Variants in SLC29A1 observed in about 807,000 individuals in gnomAD.
SLC29A1 encodes the protein equilibrative nucleoside transporter 1.
SLC29A1 carries 22 observed loss-of-function variants against 48.3 expected under a neutral mutation model. The ratio of observed to expected loss-of-function variants is 0.46; its 90% CI spans 0.33 to 0.65. The LOEUF (loss-of-function observed/expected upper bound fraction) is 0.65. Among genes scored for constraint, SLC29A1 ranks in the 30% least tolerant of loss-of-function variants. The probability of loss-of-function intolerance (pLI) is 0.03; values close to 1 mark genes in which losing one functional copy is unlikely to be tolerated. For missense variants in SLC29A1, 491 were observed against 575.3 expected (o/e 0.85, Z 1.50); for synonymous variants, 228 against 231.0 (o/e 0.99, Z 0.12).
At chr6:44,223,477 T>C, upstream of SLC29A1, 2 of 701,904 alleles carry the variant, frequency 2.8e-6, no homozygotes, top group Non-Finnish European at 3.2e-6. The surrounding 1 kb of genome is among the most constrained non-coding windows in gnomAD (Gnocchi z 5.0). Context: ...CGCCGCGGGG[T>C]GGCAGGGGTG....
Position 44,223,663 on chromosome 6 carries a change from TG to T in SLC29A1, c.-52+26del, listed in dbSNP as rs1428346180. On this transcript the variant is annotated intron_variant, in intron 1 of 12. Transcript: ENST00000371755. This position sits in a 1 kb window ranked among gnomAD's most constrained non-coding sequence, Gnocchi z 5.0. ...GCAGGTGCTGCCCGGGGCCGGGGAC[TG>T]GGGACTGGGGACTGCCGGGGCGGAA... 2 of 1,171,218 alleles carry T rather than the reference TG, an allele frequency of 1.7e-6. No individual in the cohort carries two copies. Among genetic ancestry groups the T allele is most frequent in the Non-Finnish European group, 1.1e-6 (1 of 927,098 alleles). 72.6% of individuals were successfully genotyped at this position (1,171,218 alleles called of 1,614,324 possible).
At chr6:44,227,382 GT>G in intron 2 of SLC29A1, 40 bp downstream of exon 2, 1 of 1,554,930 alleles carries the variant, frequency 6.4e-7, no homozygotes. Context: ...CAGGGAATGG[GT>G]TTTCAGGGAG....
chr6:44,230,755 G>T, intron 7 of SLC29A1, 56 bp from the exon 8 acceptor site: 1 of 1,581,162 alleles, frequency 6.3e-7, no homozygotes, highest in Non-Finnish European at 8.7e-7. Context: ...GAAGGAGGCC[G>T]GGATTCTGGA....
intron 9 of SLC29A1, among the ~76,000 whole-genome samples, chr6:44,231,772 G>A (rs1778938991): frequency 2.0e-5 from 3 of 152,154 alleles, no homozygotes; most frequent in Admixed American, 1.3e-4. Context: ...GAGATTACAG[G>A]CATATGCCAC....
rs1778331047 is a variant in SLC29A1 at position 44,229,423 on chromosome 6, G to A, written c.63G>A (p.Leu21=). The A allele has an allele frequency of 5.6e-6, 9 of 1,614,148 alleles. No individual in the cohort carries two copies. Among genetic ancestry groups the A allele is most frequent in the Non-Finnish European group, 5.9e-6 (7 of 1,180,006 alleles). ...YKAVWLIFFM[L]GLGTLLPWNF... Reference sequence around the variant, plus strand: ...CTGTCTGGCTTATCTTCTTCATGCTGGGTCTGGGAACGCTGCTCCCGTGGA... The same window carrying A: ...CTGTCTGGCTTATCTTCTTCATGCTAGGTCTGGGAACGCTGCTCCCGTGGA... The change falls in exon 3 of 13, where the codon CTG becomes CTA. Residue 21 remains leucine, a synonymous_variant. Coordinates refer to ENST00000371755, the MANE Select transcript of SLC29A1 (RefSeq NM_001372327.1). The surrounding 1 kb of genome is among the most constrained non-coding windows in gnomAD (Gnocchi z 5.1).
Position 44,223,791 on chromosome 6 carries a change from G to A in SLC29A1, c.-52+150G>A. On this transcript the variant is annotated intron_variant, in intron 1 of 12. Transcript: ENST00000371755. This position sits in a 1 kb window ranked among gnomAD's most constrained non-coding sequence, Gnocchi z 5.0. Reference sequence around the variant, plus strand: ...GTGGGGCCCCAGTGCGGAGCGTGCGGAGCCGCGCAGCACGTGGCGCGCACG... The same window carrying A: ...GTGGGGCCCCAGTGCGGAGCGTGCGAAGCCGCGCAGCACGTGGCGCGCACG... 1 of 1,027,768 alleles carries A rather than the reference G, an allele frequency of 9.7e-7. No individual in the cohort carries two copies. The highest frequency in any genetic ancestry group is 1.2e-6 in the Non-Finnish European group (1 of 854,230). The allele number at this position is 1,027,768 out of a possible 1,614,324, so 63.7% of individuals were successfully genotyped here.
At chr6:44,223,518 G>A (rs1318795073), upstream of SLC29A1, 17 of 1,092,808 alleles carry the variant, frequency 1.6e-5, no homozygotes, top group Non-Finnish European at 1.9e-5. This position sits in a 1 kb window ranked among gnomAD's most constrained non-coding sequence, Gnocchi z 5.0. Context: ...GCGTCGGGGA[G>A]GTGGCAGTGG....
rs933169613 is a variant in SLC29A1, at chr6:44,223,703, G to T, written c.-52+62G>T. On this transcript the variant is annotated intron_variant, in intron 1 of 12. Coordinates refer to ENST00000371755, the MANE Select transcript of SLC29A1 (RefSeq NM_001372327.1). This position sits in a 1 kb window ranked among gnomAD's most constrained non-coding sequence, Gnocchi z 5.0. ...GCCGGGGCGGAAGACGCCGCTGCCC[G>T]CCTGCCACGGAGGGCAGGGAGGGCG... 3 of 1,105,210 alleles carry T rather than the reference G, an allele frequency of 2.7e-6. No homozygotes were observed. The highest frequency in any genetic ancestry group is 8.7e-5 in the Admixed American group (2 of 23,088). The allele number at this position is 1,105,210 out of a possible 1,614,324, so 68.5% of individuals were successfully genotyped here. A position where few individuals can be genotyped will look rare whatever the true frequency, so the allele number is the denominator to read the frequency against.
intron 2 of SLC29A1, among the ~76,000 whole-genome samples, chr6:44,227,712 C>A (rs546633137): frequency 6.6e-6 from 1 of 152,352 alleles, no homozygotes; most frequent in South Asian, 2.1e-4. Flanking sequence ...ATGACCTGGC[C>A]CACCCTGGTT....
rs148126154 is a variant in SLC29A1 at position 44,229,226 on chromosome 6, T to TC, written c.30-158dup. ...TTCCAACGAGCAATGTACCCTTTTCTCCCCCCACACCCATAAGAGGACACA... is the reference window on the plus strand; with the variant it reads ...TTCCAACGAGCAATGTACCCTTTTCTCCCCCCCACACCCATAAGAGGACACA... On this transcript the variant is annotated intron_variant, in intron 2 of 12. Transcript: ENST00000371755. The surrounding 1 kb of genome is among the most constrained non-coding windows in gnomAD (Gnocchi z 5.1). Among the ~76,000 whole-genome samples the TC allele has an allele frequency of 0.033, 5,069 of 151,626 alleles. 113 individuals carry two copies. Among genetic ancestry groups the TC allele is most frequent in the Middle Eastern group, 0.054 (16 of 294 alleles).
At chr6:44,227,999 C>T (rs910063015) in intron 2 of SLC29A1, among the ~76,000 whole-genome samples, 6 of 152,200 alleles carry the variant, frequency 3.9e-5, no homozygotes, top group Non-Finnish European at 5.9e-5. Context: ...GTGCCAAAGG[C>T]TATGAAACTA....
Position 44,223,750 on chromosome 6 carries a change from G to A in SLC29A1, c.-52+109G>A. ...GGCGGGCCTGACGGCTCCGCAGCCC[G>A]GAGAAGGGACGCCGGGTGGGGCCCC... On this transcript the variant is annotated intron_variant, in intron 1 of 12. Coordinates refer to ENST00000371755, the MANE Select transcript of SLC29A1 (RefSeq NM_001372327.1). The surrounding 1 kb of genome is among the most constrained non-coding windows in gnomAD (Gnocchi z 5.0). 1.9e-6 allele frequency: 2 copies of A among 1,036,416 alleles called. No homozygotes were observed. The highest frequency in any genetic ancestry group is 2.3e-6 in the Non-Finnish European group (2 of 859,066). 64.2% of individuals were successfully genotyped at this position (1,036,416 alleles called of 1,614,324 possible).
chr6:44,224,484 GCTAA>G (rs530830443), intron 1 of SLC29A1, among the ~76,000 whole-genome samples: 195 of 152,114 alleles, frequency 1.3e-3, no homozygotes, highest in African/African-American at 4.5e-3. Flanking sequence ...AGTCTACAGG[GCTAA>G]CTGAGAAGCA....
At chr6:44,227,962 C>T (rs1324525342) in intron 2 of SLC29A1, among the ~76,000 whole-genome samples, 1 of 152,348 alleles carries the variant, frequency 6.6e-6, no homozygotes, top group Middle Eastern at 3.4e-3. Flanking sequence ...CCCATCACGT[C>T]TGCCCTACCC....
chr6:44,223,551 C>A (rs897685532), upstream of SLC29A1: 15 of 1,188,012 alleles, frequency 1.3e-5, no homozygotes, highest in Non-Finnish European at 1.6e-5. The surrounding 1 kb of genome is among the most constrained non-coding windows in gnomAD (Gnocchi z 5.0). Context: ...GCGAGCTCAG[C>A]GGAGGGCGGG....
chr6:44,226,061 G>C, intron 1 of SLC29A1: 4 of 979,094 alleles, frequency 4.1e-6, no homozygotes, highest in Non-Finnish European at 4.9e-6. Context: ...CCGCACCCAG[G>C]AGCCCGTGGA....
upstream of SLC29A1, among the ~76,000 whole-genome samples, chr6:44,222,365 G>A (rs1424620474): frequency 6.6e-6 from 1 of 152,104 alleles, no homozygotes; most frequent in Non-Finnish European, 1.5e-5. Flanking sequence ...CTTGGGGAGA[G>A]CCACTGACCC....
At chr6:44,225,225 G>C (rs1777228642) in intron 1 of SLC29A1, among the ~76,000 whole-genome samples, 1 of 152,128 alleles carries the variant, frequency 6.6e-6, no homozygotes, top group African/African-American at 2.4e-5. Flanking sequence ...TGAGACCTAG[G>C]CAGGGCTCAG....
rs780687335 is a variant in SLC29A1, at chr6:44,233,411, G to T, written c.1260-6G>T. 6.2e-7 allele frequency: 1 copy of T among 1,611,880 alleles called. No homozygotes were observed. Among genetic ancestry groups the T allele is most frequent in the Admixed American group, 1.7e-5 (1 of 59,992 alleles). ...GAGGTAGCCTTGCCCTTCCTTCCCC[G>T]CTTAGGAAAGTGAAGCCAGCTGAGG... On this transcript the variant is annotated splice_polypyrimidine_tract_variant and splice_region_variant and intron_variant, in intron 12 of 12. Coordinates refer to ENST00000371755, the MANE Select transcript of SLC29A1 (RefSeq NM_001372327.1).
Sources: gnomAD v4.1 joint callset for allele counts (sites outside exome capture counted in the v4.1 genomes callset) on GRCh38, gnomAD v4.1.1 for gene constraint, Gnocchi (gnomAD v3.1) non-coding constraint, MANE v1.5 for transcripts, NCBI Gene and HGNC (gene_info 2026-07-23, HGNC 2026-07-21) for gene names.